RXRA: variants seen among roughly 807,000 people sequenced by gnomAD.
RXRA encodes retinoid X receptor alpha.
A neutral mutation model predicts 44.5 loss-of-function variants in RXRA; 5 were observed. That is an observed-to-expected ratio of 0.11 (90% CI 0.06 to 0.24). RXRA has a LOEUF of 0.24. RXRA is among the 10% of genes least tolerant of loss of function. RXRA has a pLI of 1.00. For missense variants in RXRA, 412 were observed against 646.5 expected (o/e 0.64, Z 3.93); for synonymous variants, 291 against 271.4 (o/e 1.07, Z -0.71).
chr9:134,377,750 G>C (rs565765467), intron 1 of RXRA, among the ~76,000 whole-genome samples: 21 of 152,272 alleles, frequency 1.4e-4, no homozygotes, highest in African/African-American at 5.1e-4. Context: ...GATTTCCACC[G>C]TCTGTGTGTG....
chr9:134,435,928 C>T lies in RXRA; in HGVS notation c.1242-539C>T, dbSNP rs147383441. ...TCGCCCAGGCTGGAGTGCAGTGCTG[C>T]GATCGTAGCTCATTGCAGCCTCAAC... On this transcript the variant is annotated intron_variant, in intron 9 of 9. Transcript: ENST00000481739. Among the ~76,000 whole-genome samples the T allele has an allele frequency of 5.4e-4, 83 of 152,312 alleles. 1 individual carries two copies. The highest frequency in any genetic ancestry group is 1.8e-3 in the African/African-American group (73 of 41,576).
At chr9:134,357,761 C>T (rs1830300221) in intron 1 of RXRA, among the ~76,000 whole-genome samples, 1 of 152,230 alleles carries the variant, frequency 6.6e-6, no homozygotes, top group Admixed American at 6.5e-5. Flanking sequence ...ACCCTCGGGG[C>T]AGAGCACCCG....
intron 4 of RXRA, among the ~76,000 whole-genome samples, chr9:134,412,851 C>T (rs1052098612): frequency 1.3e-5 from 2 of 152,178 alleles, no homozygotes; most frequent in Non-Finnish European, 2.9e-5. Context: ...GGGGCAGTGG[C>T]TGTCCCCCAT....
At chr9:134,345,721 T>G (rs1271423310) in intron 1 of RXRA, among the ~76,000 whole-genome samples, 7 of 152,178 alleles carry the variant, frequency 4.6e-5, no homozygotes, top group African/African-American at 1.7e-4. Context: ...TGAAATTAGC[T>G]GCTGCTATAT....
At chr9:134,395,352 A>T (rs1277781180) in intron 1 of RXRA, among the ~76,000 whole-genome samples, 1 of 152,034 alleles carries the variant, frequency 6.6e-6, no homozygotes, top group African/African-American at 2.4e-5. Context: ...CTGGCCGGCC[A>T]TGGGGGGCTG....
chr9:134,348,410 G>C (rs1453989954), intron 1 of RXRA, among the ~76,000 whole-genome samples: 1 of 152,226 alleles, frequency 6.6e-6, no homozygotes, highest in Non-Finnish European at 1.5e-5. Flanking sequence ...GTGAGAGCCA[G>C]GTGCAGCTCC....
At chr9:134,378,153 G>A (rs1258530846) in intron 1 of RXRA, among the ~76,000 whole-genome samples, 3 of 152,336 alleles carry the variant, frequency 2.0e-5, no homozygotes, top group South Asian at 2.1e-4. Flanking sequence ...GGGCAGGGCC[G>A]GGGCAGAGGG....
chr9:134,398,124 C>T lies in RXRA; in HGVS notation c.29-3508C>T, dbSNP rs534476701. 1.2e-3 allele frequency among the ~76,000 whole-genome samples: 188 copies of T among 152,228 alleles called. 1 individual carries two copies. The highest frequency in any genetic ancestry group is 4.2e-3 in the African/African-American group (174 of 41,538). On this transcript the variant is annotated intron_variant, in intron 1 of 9. Transcript: ENST00000481739. ...CCTCCCAAGTAGCTGGAATTACAGGCGTGCACCACCATGCCCAGCTAATTT... is the reference window on the plus strand; with the variant it reads ...CCTCCCAAGTAGCTGGAATTACAGGTGTGCACCACCATGCCCAGCTAATTT...
At chr9:134,364,290 C>A (rs529336427) in intron 1 of RXRA, among the ~76,000 whole-genome samples, 1 of 152,246 alleles carries the variant, frequency 6.6e-6, no homozygotes, top group Non-Finnish European at 1.5e-5. Context: ...GTCTGGCAAA[C>A]GCCCACTGCG....
rs118079756 is a variant in RXRA, at chr9:134,328,060, T to C, written c.28+1401T>C. ...ACCCCCAGCTCGTGGTACTGCTGAG[T>C]GTGAGGCAGGAGGGAATGCTGCGCT... On this transcript the variant is annotated intron_variant, in intron 1 of 9. Transcript: ENST00000481739. 9.0e-3 allele frequency among the ~76,000 whole-genome samples: 1,371 copies of C among 152,136 alleles called. 8 individuals carry two copies. The highest frequency in any genetic ancestry group is 0.015 in the Non-Finnish European group (1,014 of 67,966).
intron 5 of RXRA, among the ~76,000 whole-genome samples, chr9:134,419,692 G>A (rs889200316): frequency 2.0e-5 from 3 of 152,230 alleles, no homozygotes; most frequent in Non-Finnish European, 2.9e-5. Flanking sequence ...GTTACATGAG[G>A]CACGTTGGAT....
chr9:134,410,371 C>T (rs569169481), intron 4 of RXRA, among the ~76,000 whole-genome samples: 83 of 152,338 alleles, frequency 5.4e-4, no homozygotes, highest in Middle Eastern at 3.4e-3. Flanking sequence ...CGAGGGCAGA[C>T]GGTTCAAGCC....
rs1830405752 is a variant in RXRA, at chr9:134,365,695, T to G, written c.29-35937T>G. On this transcript the variant is annotated intron_variant, in intron 1 of 9. Coordinates refer to ENST00000481739, the MANE Select transcript of RXRA (RefSeq NM_002957.6). The surrounding 1 kb of genome is among the most constrained non-coding windows in gnomAD (Gnocchi z 4.0). ...AGGTCTGTTCTTGGTGGCTGTTAAC[T>G]CTAGGCCAGATGTAGCCCTGAGGGG... Among the ~76,000 whole-genome samples the G allele has an allele frequency of 6.6e-6, 1 of 151,624 alleles. No individual in the cohort carries two copies. Among genetic ancestry groups the G allele is most frequent in the African/African-American group, 2.4e-5 (1 of 41,196 alleles).
At chr9:134,419,527 G>A (rs1199173125) in intron 5 of RXRA, among the ~76,000 whole-genome samples, 1 of 152,144 alleles carries the variant, frequency 6.6e-6, no homozygotes, top group East Asian at 1.9e-4. Context: ...CGCTCACTGG[G>A]CCCCTTCTCT....
chr9:134,353,372 G>A (rs573263608), intron 1 of RXRA, among the ~76,000 whole-genome samples: 3 of 152,284 alleles, frequency 2.0e-5, no homozygotes, highest in Admixed American at 1.3e-4. Flanking sequence ...GAAGGCAGGT[G>A]GTCTGGGAAG....
At chr9:134,327,462 T>C (rs1834934626) in intron 1 of RXRA, among the ~76,000 whole-genome samples, 1 of 151,596 alleles carries the variant, frequency 6.6e-6, no homozygotes, top group Non-Finnish European at 1.5e-5. Context: ...CCCCCACCCA[T>C]TGCCCTCCCA....
chr9:134,409,106 C>A lies in RXRA; in HGVS notation c.597C>A (p.Gly199=). ...YCRYQKCLAM[G]MKREAVQEER... is the part of the protein sequence containing the mutation. ...GCTACCAGAAGTGCCTGGCCATGGGCATGAAGCGGGAAGGTAGGCCACGGC... is the reference window on the plus strand; with the variant it reads ...GCTACCAGAAGTGCCTGGCCATGGGAATGAAGCGGGAAGGTAGGCCACGGC... Residue 199 remains glycine, a synonymous_variant, in exon 4 of 10, where the codon GGC becomes GGA. Coordinates refer to ENST00000481739, the MANE Select transcript of RXRA (RefSeq NM_002957.6). 2 of 1,582,326 alleles carry A rather than the reference C, an allele frequency of 1.3e-6. No homozygotes were observed. The highest frequency in any genetic ancestry group is 1.7e-6 in the Non-Finnish European group (2 of 1,162,858).
chr9:134,357,979 G>A (rs776763284), intron 1 of RXRA, among the ~76,000 whole-genome samples: 11 of 152,200 alleles, frequency 7.2e-5, no homozygotes, highest in Non-Finnish European at 1.6e-4. Flanking sequence ...GGCCTGGGGT[G>A]CCCCCACAGA....
chr9:134,393,025 T>TAA (rs35870322), intron 1 of RXRA, among the ~76,000 whole-genome samples: 5,497 of 147,302 alleles, frequency 0.037, 133 homozygotes, highest in Non-Finnish European at 0.046. Context: ...GGCTTCTTCT[T>TAA]AAAAAAAAAA....
Sources: allele counts gnomAD v4.1 joint callset (sites outside exome capture counted in the v4.1 genomes callset), GRCh38; gene constraint gnomAD v4.1.1; non-coding constraint Gnocchi (gnomAD v3.1); transcripts MANE v1.5; gene names NCBI Gene and HGNC (gene_info 2026-07-23, HGNC 2026-07-21).